Variants in MCF2L2 observed in about 807,000 individuals in gnomAD.
MCF2L2 encodes the protein probable guanine nucleotide exchange factor MCF2L2.
A neutral mutation model predicts 150.2 loss-of-function variants in MCF2L2; 102 were observed. The ratio of observed to expected loss-of-function variants is 0.68; its 90% CI spans 0.58 to 0.80. The LOEUF is 0.80. MCF2L2 is among the 30% of genes least tolerant of loss of function. The pLI is 0.00. For synonymous variants in MCF2L2, 465 were observed against 491.3 expected (o/e 0.95, Z 0.71); for missense variants, 1,256 against 1,372.8 (o/e 0.91, Z 1.34).
chr3:183,216,974 C>T (rs1214031122), intron 21 of MCF2L2, among the ~76,000 whole-genome samples: 1 of 151,102 alleles, frequency 6.6e-6, no homozygotes, highest in East Asian at 1.9e-4. Flanking sequence ...CTTTTATACC[C>T]CTATTCCCTG....
chr3:183,317,087 A>G (rs898263794), intron 7 of MCF2L2, among the ~76,000 whole-genome samples: 3 of 152,302 alleles, frequency 2.0e-5, no homozygotes, highest in East Asian at 1.9e-4. Flanking sequence ...ATTTGCCTCA[A>G]TTACTAGACT....
intron 1 of MCF2L2, among the ~76,000 whole-genome samples, chr3:183,403,514 T>C (rs1207202982): frequency 1.3e-5 from 2 of 152,196 alleles, no homozygotes; most frequent in Admixed American, 1.3e-4. Context: ...GCCTATGAGA[T>C]GCCAGGTGGC....
chr3:183,207,883 C>T, intron 22 of MCF2L2, 60 bp from the exon 23 acceptor site: 1 of 1,296,048 alleles, frequency 7.7e-7, no homozygotes, highest in Non-Finnish European at 1.1e-6. Context: ...AGAAAGAAGC[C>T]TTTGTGGCCT....
At chr3:183,412,294 G>GT (rs1318423808) in intron 1 of MCF2L2, among the ~76,000 whole-genome samples, 1 of 127,468 alleles carries the variant, frequency 7.8e-6, no homozygotes, top group Non-Finnish European at 1.6e-5. Flanking sequence ...TTTGTTTGTT[G>GT]TTGTTGTTGT....
rs531689892 is a variant in MCF2L2 at position 183,289,242 on chromosome 3, G to A, written c.1676-22C>T. 3 of 1,497,010 alleles carry A rather than the reference G, an allele frequency of 2.0e-6. No homozygotes were observed. In the East Asian group the frequency reaches 6.8e-5, roughly 34 times the overall value. 92.7% of individuals were successfully genotyped at this position (1,497,010 alleles called of 1,614,324 possible). On this transcript the variant is annotated intron_variant, in intron 13 of 29. Transcript: ENST00000328913. ...GGGACTAAGAGAACCTGCCATTAGT[G>A]TGGTTATTTAACTTATAAACTATAA...
chr3:183,381,389 C>T (rs1452833728), intron 2 of MCF2L2, among the ~76,000 whole-genome samples: 5 of 152,182 alleles, frequency 3.3e-5, no homozygotes, highest in East Asian at 1.9e-4. Flanking sequence ...GTCCAACCCA[C>T]GTTACCAGTC....
At chr3:183,252,799 T>A (rs1455535544) in intron 15 of MCF2L2, among the ~76,000 whole-genome samples, 1 of 152,234 alleles carries the variant, frequency 6.6e-6, no homozygotes, top group African/African-American at 2.4e-5. Context: ...ATATGTACAA[T>A]AACAGAATCG....
intron 5 of MCF2L2, among the ~76,000 whole-genome samples, chr3:183,328,083 T>C (rs1730124001): frequency 1.3e-5 from 2 of 152,152 alleles, no homozygotes; most frequent in African/African-American, 2.4e-5. Flanking sequence ...TTAAACTCTA[T>C]AGAAACTCTA....
intron 25 of MCF2L2, among the ~76,000 whole-genome samples, chr3:183,202,508 A>G (rs1160023789): frequency 6.6e-6 from 1 of 152,216 alleles, no homozygotes; most frequent in Non-Finnish European, 1.5e-5. Context: ...TGATCTGCAC[A>G]AACAGAAAGT....
At chr3:183,211,233 C>A (rs928060137) in intron 22 of MCF2L2, among the ~76,000 whole-genome samples, 2 of 152,106 alleles carry the variant, frequency 1.3e-5, no homozygotes, top group Non-Finnish European at 2.9e-5. Flanking sequence ...CAGGCCCAGG[C>A]CCCAGAGGTG....
At chr3:183,352,905 T>C (rs6773043) in intron 3 of MCF2L2, among the ~76,000 whole-genome samples, 17,663 of 152,244 alleles carry the variant, frequency 0.12, 1,716 homozygotes, top group African/African-American at 0.25. Context: ...GCTGAAATAT[T>C]TGTAGGCAAA....
intron 15 of MCF2L2, among the ~76,000 whole-genome samples, chr3:183,233,850 G>C (rs576201731): frequency 2.6e-5 from 4 of 152,200 alleles, no homozygotes; most frequent in African/African-American, 7.2e-5. Flanking sequence ...AACCCTATTT[G>C]ATAGATATAA....
At chr3:183,406,555 C>G (rs1715053735) in intron 1 of MCF2L2, among the ~76,000 whole-genome samples, 1 of 152,192 alleles carries the variant, frequency 6.6e-6, no homozygotes, top group South Asian at 2.1e-4. Context: ...GTAGCACAAT[C>G]TCGGCTCACT....
chr3:183,368,061 G>T (rs1712645689), intron 3 of MCF2L2, among the ~76,000 whole-genome samples: 1 of 152,160 alleles, frequency 6.6e-6, no homozygotes, highest in Non-Finnish European at 1.5e-5. Flanking sequence ...GTTTACCCAA[G>T]TTCTTTCTTC....
chr3:183,205,639 G>A (rs1722443794), intron 25 of MCF2L2, among the ~76,000 whole-genome samples: 3 of 152,166 alleles, frequency 2.0e-5, no homozygotes, highest in Admixed American at 1.3e-4. Flanking sequence ...TGGCAATTAA[G>A]TGGTGGGGGG....
chr3:183,410,765 T>A (rs1715281223), intron 1 of MCF2L2, among the ~76,000 whole-genome samples: 1 of 152,230 alleles, frequency 6.6e-6, no homozygotes, highest in Non-Finnish European at 1.5e-5. Context: ...TAGACTTGTT[T>A]TAGGGTGACT....
intron 15 of MCF2L2, among the ~76,000 whole-genome samples, chr3:183,252,569 C>T (rs1349883331): frequency 1.3e-5 from 2 of 152,176 alleles, no homozygotes; most frequent in Admixed American, 6.5e-5. Context: ...ACGCTGGTCT[C>T]TAACTCCTGG....
chr3:183,193,357 C>CTTTCTTTT lies in MCF2L2; in HGVS notation c.2919-262_2919-261insAAAAGAAA, dbSNP rs1553880360. Among the ~76,000 whole-genome samples, 584 of 139,494 alleles carry CTTTCTTTT rather than the reference C, an allele frequency of 4.2e-3. 8 individuals carry two copies. The highest frequency in any genetic ancestry group is 0.015 in the African/African-American group (526 of 35,486). 91.5% of individuals were successfully genotyped at this position (139,494 alleles called of 152,430 possible). A position where few individuals can be genotyped will look rare whatever the true frequency, so the allele number is the denominator to read the frequency against. On this transcript the variant is annotated intron_variant, in intron 26 of 29. Transcript: ENST00000328913. ...TGCAAATCTTTTTTTCTTTTTCTTT[C>CTTTCTTTT]TTTTTTTTTTTGAGACAGAGTCTCG...
In MCF2L2 at chr3:183,210,619, T is replaced by C. The variant is rs190428390; in HGVS notation, c.2497-2796A>G. Among the ~76,000 whole-genome samples the C allele has an allele frequency of 4.8e-4, 73 of 152,284 alleles. No individual in the cohort carries two copies. The East Asian group carries it at 0.013, about 27-fold the overall frequency. ...CAGTGTGGAGGCTCAGCTGTCAAAG[T>C]AATTCTAGAAGAGGCTAGGATGATA... On this transcript the variant is annotated intron_variant, in intron 22 of 29. Transcript: ENST00000328913.
Sources: allele counts gnomAD v4.1 joint callset (sites outside exome capture counted in the v4.1 genomes callset), GRCh38; gene constraint gnomAD v4.1.1; transcripts MANE v1.5; gene names NCBI Gene and HGNC (gene_info 2026-07-23, HGNC 2026-07-21).